Variants in ZNF568 observed in about 807,000 individuals in gnomAD.
ZNF568 encodes zinc finger protein 568.
Under a neutral mutation model 18.1 loss-of-function variants are expected in ZNF568, and 11 were observed. The ratio of observed to expected loss-of-function variants is 0.61; its 90% CI spans 0.38 to 1.00. The LOEUF (loss-of-function observed/expected upper bound fraction) is 1.00, where lower values mean the gene tolerates loss of function less well. Ranked by LOEUF, ZNF568 falls within the 50% of genes least tolerant of loss-of-function variation. ZNF568 has a pLI of 0.01. For missense variants in ZNF568, 639 were observed against 768.2 expected, an observed-to-expected ratio of 0.83 and a Z score of 1.99; for synonymous variants, 213 against 246.6, an observed-to-expected ratio of 0.86 and a Z score of 1.28.
At chr19:36,983,405 C>T (rs574702351), downstream of ZNF568, among the ~76,000 whole-genome samples, 2 of 145,186 alleles carry the variant, frequency 1.4e-5, no homozygotes, top group South Asian at 2.1e-4. Context: ...CCATTTACTA[C>T]CCGCATCCTC....
At chr19:36,989,309 A>G (rs1014063259) in intron 2 of ZNF568, among the ~76,000 whole-genome samples, 1 of 152,080 alleles carries the variant, frequency 6.6e-6, no homozygotes, top group Non-Finnish European at 1.5e-5. Flanking sequence ...TAGCCCCCCT[A>G]GTAGCTGGGA....
intron 6 of ZNF568, among the ~76,000 whole-genome samples, chr19:36,971,751 A>G (rs1434234680): frequency 6.6e-6 from 1 of 151,738 alleles, no homozygotes; most frequent in Non-Finnish European, 1.5e-5. Context: ...GTTGGCCAGG[A>G]TGGTCTCGAT....
At chr19:36,959,962 G>A (rs1219484441) in intron 6 of ZNF568, among the ~76,000 whole-genome samples, 1 of 151,712 alleles carries the variant, frequency 6.6e-6, no homozygotes, top group African/African-American at 2.4e-5. Context: ...TCATTTTGTG[G>A]ATCCTTCATA....
At chr19:36,927,209 AT>A (rs2146274303) in intron 4 of ZNF568, among the ~76,000 whole-genome samples, 1 of 152,340 alleles carries the variant, frequency 6.6e-6, no homozygotes, top group South Asian at 2.1e-4. Context: ...CAGTCAAAAT[AT>A]GCAACTATTA....
intron 6 of ZNF568, among the ~76,000 whole-genome samples, chr19:36,937,865 G>T (rs754298741): frequency 6.6e-6 from 1 of 152,030 alleles, no homozygotes; most frequent in Non-Finnish European, 1.5e-5. Context: ...TGGTTGAAAA[G>T]ATATAACCAA....
downstream of ZNF568, among the ~76,000 whole-genome samples, chr19:36,983,909 T>TTTTTC (rs2074352469): frequency 6.9e-6 from 1 of 143,952 alleles, no homozygotes; most frequent in Non-Finnish European, 1.5e-5. Flanking sequence ...TTTTTTTTTT[T>TTTTTC]TTTTGTTGAG....
chr19:36,948,658 A>AGTTTTTTTTTTTTTTTTTTTTTT (rs2074004444), intron 6 of ZNF568, among the ~76,000 whole-genome samples: 1 of 83,576 alleles, frequency 1.2e-5, no homozygotes, highest in Non-Finnish European at 2.2e-5. Flanking sequence ...TTTGTTGTTG[A>AGTTTTTTTTTTTTTTTTTTTTTT]TTTTTTTTTT....
intron 6 of ZNF568, among the ~76,000 whole-genome samples, chr19:36,944,839 A>G (rs1461188123): frequency 6.6e-6 from 1 of 152,174 alleles, no homozygotes; most frequent in Non-Finnish European, 1.5e-5. Flanking sequence ...AAAGACAACT[A>G]AACGTAATTT....
At chr19:36,992,148 C>G (rs1368342193) in intron 4 of ZNF568, among the ~76,000 whole-genome samples, 1 of 150,370 alleles carries the variant, frequency 6.7e-6, no homozygotes, top group African/African-American at 2.4e-5. Context: ...GAGGCTGAGG[C>G]AGGAGAATCA....
chr19:36,978,987 T>C, intron 7 of ZNF568: 1 of 346,658 alleles, frequency 2.9e-6, no homozygotes, highest in South Asian at 2.2e-5. Flanking sequence ...ACTATCTTTT[T>C]TTTTTTTTTT....
intron 4 of ZNF568, among the ~76,000 whole-genome samples, chr19:36,934,108 GTAA>G (rs2073746341): frequency 6.6e-6 from 1 of 150,844 alleles, no homozygotes; most frequent in South Asian, 2.1e-4. Flanking sequence ...AAGATTAGTA[GTAA>G]TGTTTCTTCT....
rs991266664 is a variant in ZNF568, at chr19:36,916,950, A to G, written c.-256+359A>G. On this transcript the variant is annotated intron_variant, in intron 1 of 6. Coordinates refer to ENST00000333987, the MANE Select transcript of ZNF568 (RefSeq NM_198539.4). This position sits in a 1 kb window ranked among gnomAD's most constrained non-coding sequence, Gnocchi z 5.3. The stretch of plus-strand genomic sequence containing the variant: ...TCTTTGCTGTCTTTTTTACCCTAGT[A>G]GCCCTTGGCCCTTTGTAATTTTCCA... Among the ~76,000 whole-genome samples the G allele has an allele frequency of 6.6e-6, 1 of 152,112 alleles. No individual in the cohort carries two copies. Among genetic ancestry groups the G allele is most frequent in the Non-Finnish European group, 1.5e-5 (1 of 68,022 alleles).
downstream of ZNF568, among the ~76,000 whole-genome samples, chr19:36,984,671 C>G (rs545424882): frequency 6.6e-6 from 1 of 151,826 alleles, no homozygotes; most frequent in African/African-American, 2.4e-5. Context: ...GTAAATTTCT[C>G]TCTGATTTTG....
chr19:36,985,926 G>A (rs1187454512), intron 2 of ZNF568, among the ~76,000 whole-genome samples: 1 of 152,054 alleles, frequency 6.6e-6, no homozygotes, highest in Admixed American at 6.6e-5. Context: ...TTCACAGTGT[G>A]GTGCTGCTTT....
intron 7 of ZNF568, among the ~76,000 whole-genome samples, chr19:36,976,863 T>C (rs755013066): frequency 4.0e-5 from 6 of 151,526 alleles, no homozygotes; most frequent in Non-Finnish European, 5.9e-5. Flanking sequence ...TGAGCCAAGA[T>C]TGCGCCATTG....
At position 36,924,238 on chromosome 19, in the gene ZNF568, A is replaced by T. The variant is rs1253941524; in HGVS notation, c.77-962A>T. Among the ~76,000 whole-genome samples the T allele has an allele frequency of 2.6e-5, 4 of 151,618 alleles. 1 individual carries two copies. The highest frequency in any genetic ancestry group is 2.6e-4 in the Admixed American group (4 of 15,234). Reference sequence around the variant, plus strand: ...TTCTAAATTATTTTTTTTGAGGGGGAGACAGAGTCTCGCTCTGTCGCCCAG... The same window carrying T: ...TTCTAAATTATTTTTTTTGAGGGGGTGACAGAGTCTCGCTCTGTCGCCCAG... On this transcript the variant is annotated intron_variant, in intron 3 of 6. Coordinates refer to ENST00000333987, the MANE Select transcript of ZNF568 (RefSeq NM_198539.4).
chr19:36,975,963 G>C (rs2074281859), intron 7 of ZNF568, among the ~76,000 whole-genome samples: 1 of 152,068 alleles, frequency 6.6e-6, no homozygotes, highest in African/African-American at 2.4e-5. Context: ...CAAAGTGCTG[G>C]AATTACAGGC....
At chr19:36,957,083 A>G (rs183409331), downstream of ZNF568, among the ~76,000 whole-genome samples, 95 of 152,244 alleles carry the variant, frequency 6.2e-4, no homozygotes, top group Admixed American at 1.6e-3. Context: ...GGGTTCTCAT[A>G]TCTGCTTCTA....
In ZNF568 at chr19:36,936,805, G is replaced by A. The variant is rs755681808; in HGVS notation, c.195G>A (p.Met65Ile). 6.2e-7 allele frequency: 1 copy of A among 1,613,882 alleles called. No individual in the cohort carries two copies. The highest frequency in any genetic ancestry group is 8.5e-7 in the Non-Finnish European group (1 of 1,179,908). ...VDLTQEEWEQ[M>I]KPAQRNLYRD... Reference sequence around the variant, plus strand: ...TTACCCAGGAGGAGTGGGAGCAAATGAAACCTGCTCAAAGAAACTTGTATC... The same window carrying A: ...TTACCCAGGAGGAGTGGGAGCAAATAAAACCTGCTCAAAGAAACTTGTATC... Residue 65 changes from methionine (M) to isoleucine (I), a missense_variant, in exon 5 of 7, where the codon ATG (methionine) becomes ATA (isoleucine). Transcript: ENST00000333987.
Sources: gnomAD v4.1 joint callset for allele counts (sites outside exome capture counted in the v4.1 genomes callset) on GRCh38, gnomAD v4.1.1 for gene constraint, Gnocchi (gnomAD v3.1) non-coding constraint, MANE v1.5 for transcripts, NCBI Gene and HGNC (gene_info 2026-07-23, HGNC 2026-07-21) for gene names.